FNBP1: variants seen among roughly 807,000 people sequenced by gnomAD.
FNBP1 encodes formin binding protein 1.
A neutral mutation model predicts 90.6 loss-of-function variants in FNBP1; 26 were observed. That is an observed-to-expected ratio of 0.29 (90% CI 0.21 to 0.40). The LOEUF (loss-of-function observed/expected upper bound fraction) is 0.40, where lower values mean the gene tolerates loss of function less well. FNBP1 is among the 10% of genes least tolerant of loss of function. FNBP1 has a pLI of 1.00. For synonymous variants in FNBP1, 260 were observed against 265.2 expected (o/e 0.98, Z 0.19); for missense variants, 635 against 768.0 (o/e 0.83, Z 2.05).
In FNBP1 at chr9:129,957,348, C is replaced by T. The variant is rs139055249; in HGVS notation, c.513+12G>A. ...CCACCGTGCCCGGCCCACACTTGAG[C>T]TTTCACCTCACCTTTTCAACATCCG... On this transcript the variant is annotated intron_variant, in intron 6 of 16. Transcript: ENST00000446176. The surrounding 1 kb of genome is among the most constrained non-coding windows in gnomAD (Gnocchi z 4.3). 21,846 of 1,583,854 alleles carry T rather than the reference C, an allele frequency of 0.014. 198 individuals are homozygous for T. Among genetic ancestry groups the T allele is most frequent in the South Asian group, 0.016 (1,417 of 90,276 alleles).
intron 16 of FNBP1, among the ~76,000 whole-genome samples, chr9:129,895,016 T>C (rs1279486961): frequency 6.6e-6 from 1 of 152,062 alleles, no homozygotes; most frequent in East Asian, 1.9e-4. Flanking sequence ...GCCACTGTAC[T>C]CCAGCCTGGG....
chr9:129,934,437 G>C (rs1023279650), intron 6 of FNBP1, among the ~76,000 whole-genome samples: 2 of 152,160 alleles, frequency 1.3e-5, no homozygotes, highest in Non-Finnish European at 2.9e-5. Flanking sequence ...CTTAGAATCA[G>C]ATCTACGCTG....
intron 6 of FNBP1, among the ~76,000 whole-genome samples, chr9:129,946,354 G>A (rs908141994): frequency 2.6e-5 from 4 of 152,150 alleles, no homozygotes; most frequent in African/African-American, 9.6e-5. Context: ...ACAAAAAATG[G>A]AAGGCAAACT....
chr9:129,960,011 T>TA (rs1296060934), intron 4 of FNBP1, among the ~76,000 whole-genome samples: 2 of 152,196 alleles, frequency 1.3e-5, no homozygotes, highest in African/African-American at 4.8e-5. Context: ...CATTCTTTTT[T>TA]ATTGCCAAAT....
At chr9:130,017,225 C>T (rs768821082) in intron 1 of FNBP1, among the ~76,000 whole-genome samples, 4 of 152,182 alleles carry the variant, frequency 2.6e-5, no homozygotes, top group Non-Finnish European at 5.9e-5. Context: ...TACATGGCTG[C>T]CTTCCCTAAG....
At chr9:129,891,502 C>G (rs1189133351) in intron 16 of FNBP1, among the ~76,000 whole-genome samples, 1 of 152,088 alleles carries the variant, frequency 6.6e-6, no homozygotes, top group Admixed American at 6.6e-5. Context: ...CATCAATTTC[C>G]TAGAATGGTA....
chr9:129,923,589 AAAAG>A (rs1459707556), intron 10 of FNBP1, among the ~76,000 whole-genome samples: 2 of 151,272 alleles, frequency 1.3e-5, no homozygotes, highest in East Asian at 1.9e-4. Flanking sequence ...AAAAAAAAAA[AAAAG>A]AAAGAAACAA....
At chr9:129,961,604 G>T (rs193049293) in intron 4 of FNBP1, among the ~76,000 whole-genome samples, 2 of 151,968 alleles carry the variant, frequency 1.3e-5, no homozygotes, top group African/African-American at 4.8e-5. Context: ...GTCTTGTTCC[G>T]TTGCCCAGGC....
intron 2 of FNBP1, 79 bp from the exon 3 acceptor site, chr9:129,979,453 T>C: frequency 9.8e-7 from 1 of 1,024,452 alleles, no homozygotes; most frequent in Non-Finnish European, 1.5e-6. Context: ...ACATTAGTGC[T>C]TTTGTTACAA....
rs2038695617 is a variant in FNBP1 at position 129,908,946 on chromosome 9, C to G, written c.1239G>C (p.Lys413Asn). The G allele has an allele frequency of 6.2e-7, 1 of 1,613,820 alleles. No homozygotes were observed. Among genetic ancestry groups the G allele is most frequent in the Non-Finnish European group, 8.5e-7 (1 of 1,179,838 alleles). Residue 413 changes from lysine to asparagine, a missense_variant, in exon 12 of 17, where the codon AAG becomes AAC. Physicochemically the swap from Lys to Asn is moderately conservative, Grantham distance 94. Coordinates refer to ENST00000446176, the MANE Select transcript of FNBP1 (RefSeq NM_015033.3). ...SNLPPEQRRK[K>N]LQQKVDELNK... ...TTAACTCATCGACTTTCTGCTGCAG[C>G]TTTTTCCTTCTTTGTTCAGGTGGGA... is the stretch of plus-strand genomic sequence containing the variant.
At chr9:129,986,061 G>A (rs554483332) in intron 2 of FNBP1, among the ~76,000 whole-genome samples, 62 of 151,542 alleles carry the variant, frequency 4.1e-4, no homozygotes, top group African/African-American at 1.1e-3. Flanking sequence ...GCTTGAACCC[G>A]GGAGGCTGAG....
At chr9:130,048,802 T>TA in the FNBP1 span, among the ~76,000 whole-genome samples, 81,939 of 139,582 alleles carry the variant, frequency 0.59, 23,377 homozygotes, top group East Asian at 0.82. Context: ...TTTTTTGAGA[T>TA]AAGAGTCTGG....
At chr9:129,940,537 C>T (rs1311182089) in intron 6 of FNBP1, among the ~76,000 whole-genome samples, 1 of 151,944 alleles carries the variant, frequency 6.6e-6, no homozygotes, top group Non-Finnish European at 1.5e-5. Context: ...ATTTCACACA[C>T]ATCTAATATG....
At chr9:129,993,208 CA>C (rs1279538676) in intron 2 of FNBP1, among the ~76,000 whole-genome samples, 15 of 122,822 alleles carry the variant, frequency 1.2e-4, no homozygotes, top group Non-Finnish European at 9.8e-5. Flanking sequence ...GCCTGGGCGA[CA>C]GAGTGAGACT....
chr9:129,977,475 C>A (rs1656004226), intron 4 of FNBP1, among the ~76,000 whole-genome samples: 1 of 134,858 alleles, frequency 7.4e-6, no homozygotes. Context: ...GACCTACTTA[C>A]AAGCACTAAT....
At chr9:129,910,042 AGCAGCT>A (rs2038954617) in intron 11 of FNBP1, 2 of 406,682 alleles carry the variant, frequency 4.9e-6, no homozygotes, top group Non-Finnish European at 9.8e-6. Flanking sequence ...CCTTTTCAGA[AGCAGCT>A]GCTCTCTTTA....
chr9:129,898,246 G>A (rs1306559696), intron 15 of FNBP1, among the ~76,000 whole-genome samples: 1 of 152,126 alleles, frequency 6.6e-6, no homozygotes, highest in East Asian at 1.9e-4. Context: ...ACCTCCCATA[G>A]CTCCTCAATG....
In FNBP1 at chr9:129,969,010, A is replaced by G. The variant is rs528566168; in HGVS notation, c.345+9455T>C. ...AGTGGTAATCGCTGTGGAAAAGCCC[A>G]GACGTACTCAAAGGCTGCAGCTACA... is the stretch of plus-strand genomic sequence containing the variant. On this transcript the variant is annotated intron_variant, in intron 4 of 16. Transcript: ENST00000446176. 4.6e-5 allele frequency among the ~76,000 whole-genome samples: 7 copies of G among 152,348 alleles called. 2 individuals are homozygous for G. The highest frequency in any genetic ancestry group is 1.7e-4 in the African/African-American group (7 of 41,580).
At chr9:129,910,838 G>A (rs1218602861) in intron 11 of FNBP1, among the ~76,000 whole-genome samples, 2 of 109,984 alleles carry the variant, frequency 1.8e-5, no homozygotes, top group Non-Finnish European at 3.9e-5. Context: ...CACACTGACT[G>A]ACTCTCTAAT....
Sources: allele counts gnomAD v4.1 joint callset (sites outside exome capture counted in the v4.1 genomes callset), GRCh38; gene constraint gnomAD v4.1.1; non-coding constraint Gnocchi (gnomAD v3.1); transcripts MANE v1.5; gene names NCBI Gene and HGNC (gene_info 2026-07-23, HGNC 2026-07-21).